Variants in GRM8 observed in about 807,000 individuals in gnomAD.
The protein encoded by GRM8 is metabotropic glutamate receptor 8.
GRM8 carries 47 observed loss-of-function variants against 87.2 expected under a neutral mutation model. That is an observed-to-expected ratio of 0.54 (90% CI 0.43 to 0.69). The LOEUF (loss-of-function observed/expected upper bound fraction) is 0.69, where lower values mean the gene tolerates loss of function less well. Ranked by LOEUF, GRM8 falls within the 30% of genes least tolerant of loss-of-function variation. The pLI is 0.00. For missense variants in GRM8, 1,019 were observed against 1,139.2 expected, an observed-to-expected ratio of 0.89 and a Z score of 1.52; for synonymous variants, 396 against 404.5, an observed-to-expected ratio of 0.98 and a Z score of 0.25.
At chr7:126,824,338 C>T (rs1475700443) in intron 6 of GRM8, among the ~76,000 whole-genome samples, 1 of 152,076 alleles carries the variant, frequency 6.6e-6, no homozygotes, top group East Asian at 1.9e-4. Context: ...TATCAAAGTG[C>T]ACATGAGAAA....
intron 6 of GRM8, among the ~76,000 whole-genome samples, chr7:126,841,659 G>A (rs1227452206): frequency 2.7e-5 from 4 of 148,526 alleles, no homozygotes; most frequent in East Asian, 2.0e-4. Flanking sequence ...ATGGACTCTC[G>A]CTCTATCACC....
chr7:127,143,967 T>TA (rs1828414001), intron 2 of GRM8, among the ~76,000 whole-genome samples: 1 of 152,086 alleles, frequency 6.6e-6, no homozygotes. Flanking sequence ...TACCCATAAG[T>TA]AGAGTAGGAG....
At chr7:126,964,477 C>T (rs550316586) in intron 3 of GRM8, among the ~76,000 whole-genome samples, 1 of 152,212 alleles carries the variant, frequency 6.6e-6, no homozygotes, top group South Asian at 2.1e-4. Flanking sequence ...AAACAAGCAA[C>T]CCCTTCAAAA....
At position 126,894,886 on chromosome 7, in the gene GRM8, G is replaced by A. The variant is rs188543856; in HGVS notation, c.1156+7656C>T. 8.5e-5 allele frequency among the ~76,000 whole-genome samples: 13 copies of A among 152,122 alleles called. No individual in the cohort carries two copies. The East Asian group carries it at 2.3e-3, about 27-fold the overall frequency. The stretch of plus-strand genomic sequence containing the variant: ...CTCAATTTCCCTTTCTGCAAAGTGA[G>A]GAAACTGAGCTAAATAATCTCTAAG... On this transcript the variant is annotated intron_variant, in intron 6 of 10. Coordinates refer to ENST00000339582, the MANE Select transcript of GRM8 (RefSeq NM_000845.3).
At chr7:127,044,668 C>A (rs1463494596) in intron 3 of GRM8, among the ~76,000 whole-genome samples, 1 of 151,984 alleles carries the variant, frequency 6.6e-6, no homozygotes, top group Non-Finnish European at 1.5e-5. Context: ...GAGGGACTGT[C>A]CAGCCAGGGA....
chr7:127,011,704 T>G (rs1373903153), intron 3 of GRM8, among the ~76,000 whole-genome samples: 3 of 152,192 alleles, frequency 2.0e-5, no homozygotes, highest in Non-Finnish European at 4.4e-5. Context: ...TTATACCATA[T>G]GTACTCACAT....
In GRM8 at chr7:127,187,424, C is replaced by G. The variant is rs972104044; in HGVS notation, c.510+55271G>C. On this transcript the variant is annotated intron_variant, in intron 2 of 10. Transcript: ENST00000339582. ...GCAAGCAGGAGTGGTTTTTTAACATCTAAATTGAAATAAGAACTGCATGTC... is the reference window on the plus strand; with the variant it reads ...GCAAGCAGGAGTGGTTTTTTAACATGTAAATTGAAATAAGAACTGCATGTC... Among the ~76,000 whole-genome samples the G allele has an allele frequency of 2.0e-5, 3 of 152,096 alleles. No homozygotes were observed. In the South Asian group the frequency reaches 6.2e-4, roughly 32 times the overall value.
At chr7:126,800,939 T>C (rs185979451) in intron 6 of GRM8, among the ~76,000 whole-genome samples, 1 of 152,208 alleles carries the variant, frequency 6.6e-6, no homozygotes, top group African/African-American at 2.4e-5. Context: ...ATATTTGTAA[T>C]ATCTGATGAA....
chr7:126,639,530 G>T (rs1315037177), intron 7 of GRM8, among the ~76,000 whole-genome samples: 3 of 152,076 alleles, frequency 2.0e-5, no homozygotes. Context: ...ATTAGTAGGG[G>T]TCATAACAGT....
In GRM8 at chr7:126,479,944, C is replaced by T. The variant is rs79884743; in HGVS notation, c.2431-33572G>A. On this transcript the variant is annotated intron_variant, in intron 9 of 10. Transcript: ENST00000339582. ...CTATCTATTTTCATTTATGACATGA[C>T]CCAGAGGGAAAAAAATCAACCAGAA... 7.1e-3 allele frequency among the ~76,000 whole-genome samples: 1,082 copies of T among 152,086 alleles called. 13 individuals are homozygous for T. The highest frequency in any genetic ancestry group is 0.025 in the African/African-American group (1,037 of 41,506).
intron 6 of GRM8, among the ~76,000 whole-genome samples, chr7:126,853,173 C>A (rs768238268): frequency 2.0e-5 from 3 of 152,166 alleles, no homozygotes; most frequent in Non-Finnish European, 2.9e-5. Flanking sequence ...AGTGATGTTA[C>A]TTGACTGGCC....
intron 7 of GRM8, among the ~76,000 whole-genome samples, chr7:126,686,693 C>T (rs774730481): frequency 8.5e-5 from 13 of 152,320 alleles, no homozygotes; most frequent in Non-Finnish European, 1.8e-4. Context: ...CACCACTCCA[C>T]GCCTGACTCA....
At chr7:126,878,909 T>C (rs1229064893) in intron 6 of GRM8, among the ~76,000 whole-genome samples, 2 of 149,164 alleles carry the variant, frequency 1.3e-5, no homozygotes, top group Non-Finnish European at 3.0e-5. Context: ...ACGCCTGTAA[T>C]CCCAGCACTT....
At chr7:127,035,352 G>A (rs1388180469) in intron 3 of GRM8, among the ~76,000 whole-genome samples, 2 of 152,136 alleles carry the variant, frequency 1.3e-5, no homozygotes, top group African/African-American at 2.4e-5. Context: ...GCAACCAGTC[G>A]ATTTCGTGAA....
chr7:127,236,573 G>A (rs575345080), intron 2 of GRM8, among the ~76,000 whole-genome samples: 31 of 152,216 alleles, frequency 2.0e-4, no homozygotes, highest in Middle Eastern at 3.4e-3. Context: ...GAACAGCATG[G>A]AGAAAACCAC....
intron 3 of GRM8, among the ~76,000 whole-genome samples, chr7:127,052,129 A>G (rs1274996041): frequency 6.6e-6 from 1 of 152,162 alleles, no homozygotes; most frequent in Non-Finnish European, 1.5e-5. Flanking sequence ...GGAGTCTGCT[A>G]TCAATTTATC....
intron 7 of GRM8, among the ~76,000 whole-genome samples, chr7:126,662,610 G>C (rs571209559): frequency 2.0e-5 from 3 of 152,290 alleles, no homozygotes; most frequent in African/African-American, 7.2e-5. Context: ...ATGAGGATTT[G>C]TGCAAATCAT....
intron 7 of GRM8, among the ~76,000 whole-genome samples, chr7:126,745,421 T>C (rs1166846528): frequency 1.5e-5 from 1 of 68,404 alleles, no homozygotes; most frequent in Non-Finnish European, 4.4e-5. Context: ...ATTATACTTG[T>C]TTCTCTTCTG....
At chr7:126,596,358 T>C (rs1016837355) in intron 8 of GRM8, among the ~76,000 whole-genome samples, 2 of 152,300 alleles carry the variant, frequency 1.3e-5, no homozygotes, top group South Asian at 4.1e-4. Flanking sequence ...TTCTGACTGA[T>C]GTGAAATGGC....
Sources: gnomAD v4.1 joint callset for allele counts (sites outside exome capture counted in the v4.1 genomes callset) on GRCh38, gnomAD v4.1.1 for gene constraint, MANE v1.5 for transcripts, NCBI Gene and HGNC (gene_info 2026-07-23, HGNC 2026-07-21) for gene names.